SNX9: variants seen among roughly 807,000 people sequenced by gnomAD.
The protein encoded by SNX9 is sorting nexin 9.
SNX9 carries 44 observed loss-of-function variants against 89.4 expected under a neutral mutation model. The observed-to-expected ratio is 0.49, with a 90% confidence interval of 0.39 to 0.63. The LOEUF (loss-of-function observed/expected upper bound fraction) is 0.63, where lower values mean the gene tolerates loss of function less well. Ranked by LOEUF, SNX9 falls within the 30% of genes least tolerant of loss-of-function variation. SNX9 has a pLI of 0.00. For missense variants in SNX9, 578 were observed against 736.1 expected (o/e 0.79, Z 2.49); for synonymous variants, 236 against 247.8 (o/e 0.95, Z 0.45).
At chr6:157,844,750 C>G (rs928756139) in intron 1 of SNX9, among the ~76,000 whole-genome samples, 1 of 151,600 alleles carries the variant, frequency 6.6e-6, no homozygotes, top group Non-Finnish European at 1.5e-5. Context: ...CCCGCCACCA[C>G]GCCCGGCTAA....
chr6:157,921,132 T>C (rs1281894612), intron 9 of SNX9, among the ~76,000 whole-genome samples: 1 of 152,240 alleles, frequency 6.6e-6, no homozygotes, highest in African/African-American at 2.4e-5. Flanking sequence ...TTCTTGCTTA[T>C]AGGACTTCAT....
chr6:157,882,372 A>G (rs1360064979), intron 4 of SNX9, among the ~76,000 whole-genome samples: 2 of 152,220 alleles, frequency 1.3e-5, no homozygotes, highest in African/African-American at 4.8e-5. Context: ...GGAGATGTAC[A>G]TGAAGATTGA....
intron 2 of SNX9, among the ~76,000 whole-genome samples, chr6:157,872,009 A>G (rs1451940056): frequency 3.3e-5 from 5 of 152,018 alleles, no homozygotes; most frequent in African/African-American, 7.2e-5. Flanking sequence ...TCAAGTTGCT[A>G]TTGTGGTCAG....
intron 1 of SNX9, among the ~76,000 whole-genome samples, chr6:157,834,156 T>TG (rs1781530909): frequency 8.3e-5 from 6 of 71,962 alleles, no homozygotes; most frequent in African/African-American, 3.0e-4. Flanking sequence ...TGTGGTTTTT[T>TG]TTTTTTTTTT....
chr6:157,842,700 G>A (rs1369048131), intron 1 of SNX9, among the ~76,000 whole-genome samples: 2 of 152,156 alleles, frequency 1.3e-5, no homozygotes, highest in Admixed American at 1.3e-4. Context: ...TGGGTTGGAT[G>A]GCAGAACTGG....
At chr6:157,875,217 G>A (rs1382522629) in intron 4 of SNX9, 41 bp downstream of exon 4, 18 of 1,583,686 alleles carry the variant, frequency 1.1e-5, no homozygotes, top group South Asian at 2.3e-5. Flanking sequence ...CTGGCTTTAC[G>A]GAAAACAGAG....
At chr6:157,910,147 C>A in intron 9 of SNX9, 122 bp downstream of exon 9, 1 of 768,580 alleles carries the variant, frequency 1.3e-6, no homozygotes, top group Non-Finnish European at 2.3e-6. Context: ...GAGTTGGAAA[C>A]AGTAATTAAA....
chr6:157,897,079 G>C, intron 5 of SNX9, 81 bp downstream of exon 5: 2 of 1,352,666 alleles, frequency 1.5e-6, no homozygotes, highest in South Asian at 1.5e-5. Flanking sequence ...TGTTTTTGCT[G>C]TTCCCACACT....
chr6:157,900,354 T>C (rs1783069737), intron 5 of SNX9, among the ~76,000 whole-genome samples: 1 of 152,224 alleles, frequency 6.6e-6, no homozygotes, highest in African/African-American at 2.4e-5. Context: ...ATTATATGTT[T>C]TGAATATTAA....
At chr6:157,893,588 CTT>C (rs1446590284) in intron 4 of SNX9, among the ~76,000 whole-genome samples, 1 of 142,162 alleles carries the variant, frequency 7.0e-6, no homozygotes, top group Admixed American at 7.3e-5. Context: ...ATATTTTTTT[CTT>C]TTTTTAACTA....
intron 9 of SNX9, among the ~76,000 whole-genome samples, chr6:157,919,190 T>G (rs937888315): frequency 3.9e-5 from 6 of 152,208 alleles, no homozygotes; most frequent in African/African-American, 1.4e-4. Flanking sequence ...ATGTCTTTAT[T>G]TTTAGAGGAT....
At chr6:157,838,538 C>T (rs909079157) in intron 1 of SNX9, among the ~76,000 whole-genome samples, 6 of 152,052 alleles carry the variant, frequency 3.9e-5, no homozygotes, top group Non-Finnish European at 7.4e-5. Flanking sequence ...TGACCTGTTT[C>T]CCTCCATTTA....
rs977375722 is a variant in SNX9, at chr6:157,943,554, CTTATGT to C, written c.*717_*722del. On this transcript the variant is annotated 3_prime_UTR_variant, in exon 18 of 18. Coordinates refer to ENST00000392185, the MANE Select transcript of SNX9 (RefSeq NM_016224.5). ...TCAGCGACATTTCTGATGTGCTGCT[CTTATGT>C]GAGGACCAGTGCTTTCTCTCTTTGC... 6 of 152,412 alleles carry C rather than the reference CTTATGT, an allele frequency of 3.9e-5. No homozygotes were observed. Among genetic ancestry groups the C allele is most frequent in the Admixed American group, 6.5e-5 (1 of 15,304 alleles). The allele number at this position is 152,412 out of a possible 1,614,324, so 9.4% of individuals were successfully genotyped here.
chr6:157,887,507 C>T (rs1384497486), intron 4 of SNX9, among the ~76,000 whole-genome samples: 1 of 152,214 alleles, frequency 6.6e-6, no homozygotes, highest in Non-Finnish European at 1.5e-5. Flanking sequence ...ACCACAGAGA[C>T]CGCCGAGCTT....
At chr6:157,932,381 G>A in intron 13 of SNX9, 109 bp downstream of exon 13, 2 of 969,218 alleles carry the variant, frequency 2.1e-6, no homozygotes, top group South Asian at 1.4e-5. Context: ...CACCCTGGTT[G>A]TGGGTGTGTA....
At chr6:157,827,932 G>A (rs575103138) in intron 1 of SNX9, among the ~76,000 whole-genome samples, 1 of 150,964 alleles carries the variant, frequency 6.6e-6, no homozygotes, top group East Asian at 1.9e-4. Flanking sequence ...AGCTTGTCTG[G>A]TTAAATTAAG....
At chr6:157,941,454 G>A (rs1324251664) in intron 17 of SNX9, among the ~76,000 whole-genome samples, 4 of 152,184 alleles carry the variant, frequency 2.6e-5, no homozygotes, top group Non-Finnish European at 4.4e-5. Context: ...AGCGAGATGT[G>A]GGATGGTTTT....
At chr6:157,861,139 A>G (rs1241658972) in intron 1 of SNX9, among the ~76,000 whole-genome samples, 1 of 152,228 alleles carries the variant, frequency 6.6e-6, no homozygotes, top group Admixed American at 6.5e-5. Flanking sequence ...TTCATTCTCA[A>G]TTGCTGCTAC....
At chr6:157,840,466 T>TC (rs1266437790) in intron 1 of SNX9, among the ~76,000 whole-genome samples, 9 of 151,668 alleles carry the variant, frequency 5.9e-5, no homozygotes, top group South Asian at 2.1e-4. Flanking sequence ...CTTCCTTCCT[T>TC]CTCCCTTCTC....
Sources: gnomAD v4.1 joint callset for allele counts (sites outside exome capture counted in the v4.1 genomes callset) on GRCh38, gnomAD v4.1.1 for gene constraint, MANE v1.5 for transcripts, NCBI Gene and HGNC (gene_info 2026-07-23, HGNC 2026-07-21) for gene names.